Variants in VIPR2 observed in about 807,000 individuals in gnomAD.
VIPR2 encodes the protein vasoactive intestinal peptide receptor 2, also known as vasoactive intestinal polypeptide receptor 2.
Under a neutral mutation model 58.0 loss-of-function variants are expected in VIPR2, and 48 were observed. The ratio of observed to expected loss-of-function variants is 0.83; its 90% CI spans 0.66 to 1.05. The LOEUF (loss-of-function observed/expected upper bound fraction) is 1.05, where lower values mean the gene tolerates loss of function less well. Ranked by LOEUF, VIPR2 falls within the 50% of genes least tolerant of loss-of-function variation. The pLI is 0.00. For synonymous variants in VIPR2, 243 were observed against 235.2 expected, an observed-to-expected ratio of 1.03 and a Z score of -0.30; for missense variants, 534 against 558.0, an observed-to-expected ratio of 0.96 and a Z score of 0.43.
At position 159,096,606 on chromosome 7, in the gene VIPR2, TG is replaced by T. The variant is rs1857862888; in HGVS notation, c.357+7150del. On this transcript the variant is annotated intron_variant, in intron 4 of 12. Coordinates refer to ENST00000262178, the MANE Select transcript of VIPR2 (RefSeq NM_003382.5). The surrounding 1 kb of genome is among the most constrained non-coding windows in gnomAD (Gnocchi z 5.5). ...GCATTTCCTTCTTAACCTCCTTCCCTGGTCCCGTATCTCCTTTGGCCCTGAA... is the reference window on the plus strand; with the variant it reads ...GCATTTCCTTCTTAACCTCCTTCCCTGTCCCGTATCTCCTTTGGCCCTGAA... Among the ~76,000 whole-genome samples, 1 of 152,250 alleles carries T rather than the reference TG, an allele frequency of 6.6e-6. No homozygotes were observed. Among genetic ancestry groups the T allele is most frequent in the Non-Finnish European group, 1.5e-5 (1 of 68,048 alleles).
At chr7:159,052,453 C>T (rs1166658753) in intron 5 of VIPR2, among the ~76,000 whole-genome samples, 1 of 152,192 alleles carries the variant, frequency 6.6e-6, no homozygotes, top group Non-Finnish European at 1.5e-5. Context: ...GCCCTGTTGG[C>T]TCTTCTGGTG....
At chr7:159,034,425 C>T in intron 9 of VIPR2, 121 bp from the exon 10 acceptor site, 1 of 1,287,440 alleles carries the variant, frequency 7.8e-7, no homozygotes, top group Non-Finnish European at 1.1e-6. Context: ...CTGGGAACTG[C>T]CTCTGGGGGT....
At chr7:159,060,253 C>G (rs1210233728) in intron 4 of VIPR2, among the ~76,000 whole-genome samples, 2 of 149,940 alleles carry the variant, frequency 1.3e-5, no homozygotes, top group Admixed American at 6.6e-5. Flanking sequence ...CCCCACTCAC[C>G]TCGCCTAACC....
intron 2 of VIPR2, among the ~76,000 whole-genome samples, chr7:159,111,687 A>AG (rs992000016): frequency 4.6e-5 from 7 of 151,780 alleles, no homozygotes; most frequent in Non-Finnish European, 8.8e-5. Context: ...CTCAAAAAAA[A>AG]AAAGCAATAA....
intron 2 of VIPR2, among the ~76,000 whole-genome samples, chr7:159,140,936 CT>C (rs11386700): frequency 8.7e-5 from 13 of 149,630 alleles, no homozygotes; most frequent in South Asian, 2.1e-4. Flanking sequence ...CCCTCAAAAT[CT>C]TTTTTTTTTA....
At chr7:159,030,920 C>G in intron 12 of VIPR2, 131 bp from the exon 13 acceptor site, 1 of 1,212,854 alleles carries the variant, frequency 8.2e-7, no homozygotes, top group Non-Finnish European at 1.1e-6. Flanking sequence ...AGCAGATGGA[C>G]AGAAACAGAA....
intron 3 of VIPR2, among the ~76,000 whole-genome samples, chr7:159,104,605 C>T (rs1280795768): frequency 1.4e-5 from 2 of 142,296 alleles, no homozygotes; most frequent in Non-Finnish European, 1.5e-5. Flanking sequence ...ACCCCACCTG[C>T]TCCAGTTCCT....
intron 4 of VIPR2, among the ~76,000 whole-genome samples, chr7:159,078,522 A>G (rs1221431805): frequency 1.3e-5 from 2 of 152,242 alleles, no homozygotes; most frequent in African/African-American, 4.8e-5. Context: ...TAAAGAAGGC[A>G]ATGTGCCCCA....
At chr7:159,092,692 C>T (rs1857573714) in intron 4 of VIPR2, among the ~76,000 whole-genome samples, 1 of 149,224 alleles carries the variant, frequency 6.7e-6, no homozygotes, top group Admixed American at 6.7e-5. Flanking sequence ...GCTGTGTTGC[C>T]CAGGCTGGAG....
intron 2 of VIPR2, among the ~76,000 whole-genome samples, chr7:159,133,031 C>CATACAGATTGATTTCAGA (rs1488940713): frequency 1.9e-5 from 2 of 104,214 alleles, no homozygotes; most frequent in African/African-American, 7.4e-5. Context: ...CAGAATGATT[C>CATACAGATTGATTTCAGA]CAAAAATGCA....
At chr7:159,068,614 C>T (rs1267972705) in intron 4 of VIPR2, among the ~76,000 whole-genome samples, 1 of 152,222 alleles carries the variant, frequency 6.6e-6, no homozygotes, top group Non-Finnish European at 1.5e-5. Flanking sequence ...CAGGACAGGC[C>T]TGAGTGTGAG....
At chr7:159,106,687 A>T (rs1172538876) in intron 3 of VIPR2, among the ~76,000 whole-genome samples, 1 of 133,996 alleles carries the variant, frequency 7.5e-6, no homozygotes, top group Admixed American at 7.2e-5. Flanking sequence ...AGGGAGGGGC[A>T]GAGAGGCCAG....
intron 2 of VIPR2, among the ~76,000 whole-genome samples, chr7:159,141,335 C>G (rs1797456837): frequency 6.6e-6 from 1 of 152,276 alleles, no homozygotes. Context: ...CAGATCTTTA[C>G]AGCCGGAAGA....
chr7:159,117,929 CA>C (rs1796302102), intron 2 of VIPR2, among the ~76,000 whole-genome samples: 1 of 152,224 alleles, frequency 6.6e-6, no homozygotes, highest in Non-Finnish European at 1.5e-5. Context: ...GCCTCCAACG[CA>C]TTTAGAAGCA....
At chr7:159,094,225 A>T (rs1857687418) in intron 4 of VIPR2, among the ~76,000 whole-genome samples, 1 of 152,170 alleles carries the variant, frequency 6.6e-6, no homozygotes, top group African/African-American at 2.4e-5. Flanking sequence ...CTTCACTTCC[A>T]GACTCAGCAG....
At chr7:159,091,034 A>G (rs1857472696) in intron 4 of VIPR2, among the ~76,000 whole-genome samples, 1 of 151,858 alleles carries the variant, frequency 6.6e-6, no homozygotes, top group Non-Finnish European at 1.5e-5. Context: ...CACAGGGGCC[A>G]CCTCTTGTGA....
intron 4 of VIPR2, among the ~76,000 whole-genome samples, chr7:159,063,323 T>C (rs1855831885): frequency 6.6e-6 from 1 of 152,028 alleles, no homozygotes; most frequent in African/African-American, 2.4e-5. Flanking sequence ...TCGAGCACAC[T>C]GCCAGCAGGC....
intron 2 of VIPR2, among the ~76,000 whole-genome samples, chr7:159,129,338 T>C (rs28722545): frequency 2.5e-3 from 194 of 76,266 alleles, no homozygotes; most frequent in African/African-American, 7.3e-3. Flanking sequence ...TGGACTCTGG[T>C]GGGGACAGGG....
intron 2 of VIPR2, among the ~76,000 whole-genome samples, chr7:159,130,657 C>G (rs1221038401): frequency 3.3e-5 from 5 of 152,210 alleles, no homozygotes; most frequent in African/African-American, 9.7e-5. Flanking sequence ...GCCTCTGAGC[C>G]TTTGATGAGG....
Sources: allele counts gnomAD v4.1 joint callset (sites outside exome capture counted in the v4.1 genomes callset), GRCh38; gene constraint gnomAD v4.1.1; non-coding constraint Gnocchi (gnomAD v3.1); transcripts MANE v1.5; gene names NCBI Gene and HGNC (gene_info 2026-07-23, HGNC 2026-07-21).